The following CDH13 variants were observed in gnomAD, a reference collection of about 807,000 sequenced individuals.
CDH13 encodes cadherin-13.
In CDH13, 24 loss-of-function variants were observed where a neutral mutation model predicts 63.8. That is an observed-to-expected ratio of 0.38 (90% CI 0.27 to 0.53). The LOEUF (loss-of-function observed/expected upper bound fraction) is 0.53. CDH13 is among the 20% of genes least tolerant of loss of function. CDH13 has a pLI of 0.85. For missense variants in CDH13, 1,049 were observed against 903.1 expected (o/e 1.16, Z -2.07); for synonymous variants, 503 against 355.3 (o/e 1.42, Z -4.67).
chr16:82,905,611 T>C (rs141720619), intron 2 of CDH13, among the ~76,000 whole-genome samples: 37 of 152,232 alleles, frequency 2.4e-4, no homozygotes, highest in African/African-American at 7.9e-4. Flanking sequence ...AAATATAACA[T>C]AAGTCACACA....
chr16:83,359,795 C>T (rs902533280), intron 6 of CDH13, among the ~76,000 whole-genome samples: 1 of 152,180 alleles, frequency 6.6e-6, no homozygotes, highest in Non-Finnish European at 1.5e-5. Flanking sequence ...AGATATCATT[C>T]ATATACCATA....
intron 1 of CDH13, among the ~76,000 whole-genome samples, chr16:82,688,377 C>T (rs1409147181): frequency 2.0e-5 from 3 of 152,184 alleles, no homozygotes; most frequent in Non-Finnish European, 4.4e-5. Flanking sequence ...CTTCAGCTTC[C>T]TCAGCTGTAA....
At chr16:83,607,439 T>G (rs556337321) in intron 8 of CDH13, among the ~76,000 whole-genome samples, 1 of 152,084 alleles carries the variant, frequency 6.6e-6, no homozygotes, top group Non-Finnish European at 1.5e-5. Flanking sequence ...GAAAAACATG[T>G]AAGCTCAATT....
intron 6 of CDH13, among the ~76,000 whole-genome samples, chr16:83,424,245 C>G (rs2071816858): frequency 6.7e-6 from 1 of 149,390 alleles, no homozygotes; most frequent in African/African-American, 2.4e-5. Flanking sequence ...GAGGAAAATC[C>G]AACATGGACT....
At chr16:83,750,513 T>G (rs1030221085) in intron 11 of CDH13, among the ~76,000 whole-genome samples, 4 of 152,162 alleles carry the variant, frequency 2.6e-5, no homozygotes, top group African/African-American at 9.7e-5. Flanking sequence ...GCATGTACCT[T>G]ATTTGGAAGC....
intron 6 of CDH13, among the ~76,000 whole-genome samples, chr16:83,427,803 G>A (rs2071958245): frequency 6.6e-6 from 1 of 152,160 alleles, no homozygotes; most frequent in East Asian, 1.9e-4. Context: ...GTTGACAAGA[G>A]GCCACTTGTA....
chr16:82,881,390 A>G (rs970482370), intron 2 of CDH13, among the ~76,000 whole-genome samples: 4 of 152,094 alleles, frequency 2.6e-5, no homozygotes, highest in Admixed American at 6.5e-5. Context: ...AGTCTTATCA[A>G]AGGCTCAGTC....
intron 5 of CDH13, among the ~76,000 whole-genome samples, chr16:83,285,068 G>C (rs974304133): frequency 6.6e-6 from 1 of 151,962 alleles, no homozygotes; most frequent in African/African-American, 2.4e-5. Flanking sequence ...CTTTCTCCTT[G>C]GGTTTTTGTT....
At chr16:82,784,161 C>T (rs2035894888) in intron 1 of CDH13, among the ~76,000 whole-genome samples, 1 of 152,176 alleles carries the variant, frequency 6.6e-6, no homozygotes, top group African/African-American at 2.4e-5. Context: ...ATCCTGCTTA[C>T]CCAACAGCTC....
intron 5 of CDH13, among the ~76,000 whole-genome samples, chr16:83,269,267 A>T (rs1046951072): frequency 2.0e-5 from 3 of 152,190 alleles, no homozygotes; most frequent in Non-Finnish European, 2.9e-5. Flanking sequence ...CCCTCCCCAG[A>T]ACTCCTGGAG....
intron 2 of CDH13, among the ~76,000 whole-genome samples, chr16:82,998,888 T>G (rs1421027834): frequency 1.2e-4 from 16 of 138,080 alleles, no homozygotes; most frequent in Non-Finnish European, 6.2e-5. Flanking sequence ...TTGCAGATAC[T>G]GCCCCTTCTC....
intron 1 of CDH13, among the ~76,000 whole-genome samples, chr16:82,634,740 A>T (rs1199282200): frequency 6.6e-6 from 1 of 152,210 alleles, no homozygotes; most frequent in East Asian, 1.9e-4. Flanking sequence ...AGTTACAGCC[A>T]AAGAGGCTTC....
At chr16:82,728,316 C>T (rs377550382) in intron 1 of CDH13, among the ~76,000 whole-genome samples, 1 of 152,110 alleles carries the variant, frequency 6.6e-6, no homozygotes, top group South Asian at 2.1e-4. Flanking sequence ...TCAGTTTACC[C>T]TTATGGGCTT....
chr16:83,624,788 G>T (rs375679809), intron 8 of CDH13, among the ~76,000 whole-genome samples: 13 of 152,134 alleles, frequency 8.5e-5, no homozygotes, highest in African/African-American at 3.1e-4. Flanking sequence ...TGACCTCAAG[G>T]AGCAGGTTGT....
Position 83,486,526 on chromosome 16 carries a change from C to G in CDH13, c.831C>G (p.Thr277=), listed in dbSNP as rs542715718. The change falls in exon 7 of 14, where the codon ACC becomes ACG. Residue 277 remains threonine, a synonymous_variant. Transcript: ENST00000567109. ...MTAFDADDPA[T]DNALLRYNIR... Reference sequence around the variant, plus strand: ...CCTTTGATGCAGATGACCCAGCCACCGATAATGCCCTCCTGCGGTATAATA... The same window carrying G: ...CCTTTGATGCAGATGACCCAGCCACGGATAATGCCCTCCTGCGGTATAATA... 4.1e-5 allele frequency: 66 copies of G among 1,613,820 alleles called. No individual in the cohort carries two copies. Among genetic ancestry groups the G allele is most frequent in the Non-Finnish European group, 5.5e-5 (65 of 1,179,820 alleles).
chr16:83,086,768 C>G (rs1190641199), intron 3 of CDH13, among the ~76,000 whole-genome samples: 1 of 152,032 alleles, frequency 6.6e-6, no homozygotes, highest in South Asian at 2.1e-4. Flanking sequence ...CAAAATAAAA[C>G]AAGCAATGGC....
chr16:82,893,072 C>T (rs1198284873), intron 2 of CDH13, among the ~76,000 whole-genome samples: 5 of 152,188 alleles, frequency 3.3e-5, no homozygotes. Context: ...ATCAAAGTCC[C>T]TGTAATTCTA....
chr16:83,315,832 C>T (rs1012411650), intron 5 of CDH13, among the ~76,000 whole-genome samples: 3 of 151,982 alleles, frequency 2.0e-5, no homozygotes, highest in Admixed American at 1.3e-4. Flanking sequence ...GCTCATTCAC[C>T]ACCAGGATTC....
intron 1 of CDH13, among the ~76,000 whole-genome samples, chr16:82,783,791 A>G (rs1168867148): frequency 6.6e-6 from 1 of 151,352 alleles, no homozygotes; most frequent in Non-Finnish European, 1.5e-5. Flanking sequence ...GTAAGGACAG[A>G]GAAAGAACAG....
Sources: allele counts gnomAD v4.1 joint callset (sites outside exome capture counted in the v4.1 genomes callset), GRCh38; gene constraint gnomAD v4.1.1; transcripts MANE v1.5; gene names NCBI Gene and HGNC (gene_info 2026-07-23, HGNC 2026-07-21).